The following CARMIL2 variants were observed in gnomAD, a reference collection of about 807,000 sequenced individuals.
CARMIL2 encodes the protein capping protein, Arp2/3 and myosin-I linker protein 2.
CARMIL2 carries 96 observed loss-of-function variants against 173.3 expected under a neutral mutation model. The ratio of observed to expected loss-of-function variants is 0.55; its 90% CI spans 0.47 to 0.66. The LOEUF (loss-of-function observed/expected upper bound fraction) is 0.66, where lower values mean the gene tolerates loss of function less well. CARMIL2 is among the 30% of genes least tolerant of loss of function. The probability of loss-of-function intolerance (pLI) is 0.00; values close to 1 mark genes in which losing one functional copy is unlikely to be tolerated. For missense variants in CARMIL2, 1,771 were observed against 1,906.7 expected, an observed-to-expected ratio of 0.93 and a Z score of 1.33; for synonymous variants, 830 against 817.1, an observed-to-expected ratio of 1.02 and a Z score of -0.27.
chr16:67,648,774 A>C lies in CARMIL2; in HGVS notation c.1509+20A>C, dbSNP rs2052653300. On this transcript the variant is annotated intron_variant, in intron 16 of 37. Coordinates refer to ENST00000334583, the MANE Select transcript of CARMIL2 (RefSeq NM_001013838.3). The surrounding 1 kb of genome is among the most constrained non-coding windows in gnomAD (Gnocchi z 6.1). ...TGCGAGGTGAGCGCCGGCCCCCAGAAGAGACCACACATTGGGAGAGGCGCT... is the reference window on the plus strand; with the variant it reads ...TGCGAGGTGAGCGCCGGCCCCCAGACGAGACCACACATTGGGAGAGGCGCT... The C allele has an allele frequency of 6.3e-7, 1 of 1,592,428 alleles. No individual in the cohort carries two copies. The highest frequency in any genetic ancestry group is 1.1e-5 in the South Asian group (1 of 87,858).
chr16:67,651,929 G>A lies in CARMIL2; in HGVS notation c.2597G>A (p.Arg866Gln), dbSNP rs140263068. The change falls in exon 26 of 38, where the codon CGG becomes CAG. Residue 866 changes from arginine (R) to glutamine (Q), a missense_variant. Around this residue, in one of 3 missense-constraint regions of CARMIL2, gnomAD observed 817 missense variants for 903.5 expected, o/e 0.90. Coordinates refer to ENST00000334583, the MANE Select transcript of CARMIL2 (RefSeq NM_001013838.3). The surrounding 1 kb of genome is among the most constrained non-coding windows in gnomAD (Gnocchi z 4.2). ...QDAFTRLRDM[R>Q]LSITGTLAES... is the part of the protein sequence containing the mutation. ...TCCTCTCCTGCCCTTAGGGACATGC[G>A]GCTATCAATCACGGGGACCTTGGCA... 11,078 of 1,613,506 alleles carry A rather than the reference G, an allele frequency of 6.9e-3. 50 individuals carry two copies. Among genetic ancestry groups the A allele is most frequent in the Non-Finnish European group, 8.1e-3 (9,544 of 1,179,830 alleles).
In CARMIL2 at chr16:67,652,579, C is replaced by A; in HGVS notation, c.2884+41C>A. On this transcript the variant is annotated intron_variant, in intron 28 of 37. Transcript: ENST00000334583. This position sits in a 1 kb window ranked among gnomAD's most constrained non-coding sequence, Gnocchi z 4.7. ...GGGGGAGGGAGTTTACGTGGGTGGG[C>A]TGAAGCTCCATTAGACTTGGGGACC... 1 of 1,586,912 alleles carries A rather than the reference C, an allele frequency of 6.3e-7. No homozygotes were observed. The highest frequency in any genetic ancestry group is 8.6e-7 in the Non-Finnish European group (1 of 1,157,696).
chr16:67,646,374 C>T lies in CARMIL2; in HGVS notation c.375-52C>T. The T allele has an allele frequency of 6.2e-7, 1 of 1,607,220 alleles. No individual in the cohort carries two copies. Among genetic ancestry groups the T allele is most frequent in the Admixed American group, 1.7e-5 (1 of 59,616 alleles). ...GGGAGTGCATGAGAAGGGCTGCTTCCCATCCCAGAGGCTGGAAGTCCTTTG... is the reference window on the plus strand; with the variant it reads ...GGGAGTGCATGAGAAGGGCTGCTTCTCATCCCAGAGGCTGGAAGTCCTTTG... On this transcript the variant is annotated intron_variant, in intron 5 of 37. Coordinates refer to ENST00000334583, the MANE Select transcript of CARMIL2 (RefSeq NM_001013838.3). This position sits in a 1 kb window ranked among gnomAD's most constrained non-coding sequence, Gnocchi z 4.6.
intron 22 of CARMIL2, 100 bp downstream of exon 22, chr16:67,650,250 G>C: frequency 1.0e-6 from 1 of 1,003,924 alleles, no homozygotes; most frequent in Non-Finnish European, 1.5e-6. Flanking sequence ...CTGGGGCCAG[G>C]GTGCCTGAGC....
intron 22 of CARMIL2, chr16:67,650,525 T>G: frequency 3.6e-6 from 1 of 278,104 alleles, no homozygotes; most frequent in Non-Finnish European, 6.9e-6. Flanking sequence ...TCCACTACCT[T>G]ATCTGTTGGA....
chr16:67,654,934 G>A lies in CARMIL2; in HGVS notation c.3705+34G>A, dbSNP rs749178076. The A allele has an allele frequency of 5.0e-6, 8 of 1,610,278 alleles. No individual in the cohort carries two copies. The Admixed American group carries it at 6.7e-5, about 13-fold the overall frequency. On this transcript the variant is annotated intron_variant, in intron 32 of 37. Coordinates refer to ENST00000334583, the MANE Select transcript of CARMIL2 (RefSeq NM_001013838.3). ...AGGGGACCTGAGCATGAAGTGAGAG[G>A]GCAGATGGCATGCTGTGGGTGACAT...
rs750818480 is a variant in CARMIL2, at chr16:67,648,232, C to G, written c.1252C>G (p.Pro418Ala). The G allele has an allele frequency of 1.3e-5, 21 of 1,604,236 alleles. No individual in the cohort carries two copies. The highest frequency in any genetic ancestry group is 5.3e-5 in the African/African-American group (4 of 74,794). The change falls in exon 14 of 38, where the codon CCG becomes GCG. Residue 418 changes from proline (P) to alanine (A), a missense_variant. By Grantham distance (27) the Pro-to-Ala change is conservative. Coordinates refer to ENST00000334583, the MANE Select transcript of CARMIL2 (RefSeq NM_001013838.3). The surrounding 1 kb of genome is among the most constrained non-coding windows in gnomAD (Gnocchi z 6.1). ...CGCGGGTGTAGCCAACAGCCTCCCC[C>G]CGCAGCTCTTCGCAGCGGTATCCCG... ...PPAGVANSLP[P>A]QLFAAVSRGC...
chr16:67,646,153 T>C lies in CARMIL2; in HGVS notation c.250-33T>C. ...TACCACCATCACCTGCGCCCATGTG[T>C]GGAGCCGAGGCCTAGTAGTGCCCCT... On this transcript the variant is annotated intron_variant, in intron 4 of 37. Coordinates refer to ENST00000334583, the MANE Select transcript of CARMIL2 (RefSeq NM_001013838.3). This position sits in a 1 kb window ranked among gnomAD's most constrained non-coding sequence, Gnocchi z 4.6. The C allele has an allele frequency of 6.2e-7, 1 of 1,613,758 alleles. No individual in the cohort carries two copies. Among genetic ancestry groups the C allele is most frequent in the Non-Finnish European group, 8.5e-7 (1 of 1,179,822 alleles).
At position 67,647,324 on chromosome 16, in the gene CARMIL2, T is replaced by A. The variant is rs1035469552; in HGVS notation, c.713T>A (p.Leu238Gln). 3 of 1,595,504 alleles carry A rather than the reference T, an allele frequency of 1.9e-6. No individual in the cohort carries two copies. Among genetic ancestry groups the A allele is most frequent in the Non-Finnish European group, 2.6e-6 (3 of 1,171,014 alleles). ...KLSLEVSEQI[L>Q]HMMSQSSHLE... ...AGCCTTGAGGTCTCAGAACAGATTC[T>A]GCACATGATGAGTCAGTCATCACAC... The change falls in exon 10 of 38, where the codon CTG becomes CAG. Residue 238 changes from leucine (L) to glutamine (Q), a missense_variant. Leu to Gln is a moderately radical substitution (Grantham distance 113, BLOSUM62 -2). Transcript: ENST00000334583.
rs767383066 is a variant in CARMIL2, at chr16:67,649,169, G to A, written c.1685G>A (p.Cys562Tyr). The change falls in exon 18 of 38, where the codon TGC (cysteine) becomes TAC (tyrosine). Residue 562 changes from cysteine to tyrosine, a missense_variant. Cys to Tyr is a radical substitution (Grantham distance 194). Transcript: ENST00000334583. This position sits in a 1 kb window ranked among gnomAD's most constrained non-coding sequence, Gnocchi z 6.7. ...CTTGGAAGGAACTTCAACGTCCGGTGCAAGTGAGCCCCCACCCTACTCCTG... is the reference window on the plus strand; with the variant it reads ...CTTGGAAGGAACTTCAACGTCCGGTACAAGTGAGCCCCCACCCTACTCCTG... ...VALGRNFNVR[C>Y]KETLDDVLHR... is the part of the protein sequence containing the mutation. 2.5e-6 allele frequency: 4 copies of A among 1,613,304 alleles called. No individual in the cohort carries two copies. The highest frequency in any genetic ancestry group is 2.2e-5 in the South Asian group (2 of 90,996).
At chr16:67,656,090 G>A (rs777243203) in intron 33 of CARMIL2, 23 bp downstream of exon 33, 2 of 1,608,378 alleles carry the variant, frequency 1.2e-6, no homozygotes, top group South Asian at 1.1e-5. Flanking sequence ...CTGGGGTGTG[G>A]CAGTACATTT....
chr16:67,645,182 T>G lies in CARMIL2; in HGVS notation c.-65T>G. 7.4e-7 allele frequency: 1 copy of G among 1,346,740 alleles called. No individual in the cohort carries two copies. The highest frequency in any genetic ancestry group is 1.0e-6 in the Non-Finnish European group (1 of 972,468). The allele number at this position is 1,346,740 out of a possible 1,614,324, so 83.4% of individuals were successfully genotyped here. ...GCGGGTCTGGGCCCCAGGCTTCCTG[T>G]GTGCGCGCTCGTCCTCTGCTGTTTC... On this transcript the variant is annotated 5_prime_UTR_variant, in exon 1 of 38. Coordinates refer to ENST00000334583, the MANE Select transcript of CARMIL2 (RefSeq NM_001013838.3).
In CARMIL2 at chr16:67,651,145, T is replaced by C; in HGVS notation, c.2185-42T>C. 1.9e-6 allele frequency: 3 copies of C among 1,592,632 alleles called. No individual in the cohort carries two copies. The highest frequency in any genetic ancestry group is 2.6e-6 in the Non-Finnish European group (3 of 1,167,502). On this transcript the variant is annotated intron_variant, in intron 22 of 37. Transcript: ENST00000334583. This position sits in a 1 kb window ranked among gnomAD's most constrained non-coding sequence, Gnocchi z 4.2. ...GGAAGGCAGGCAGGATCTGGGAGAC[T>C]GGGAGGGGGCTAGGCTGAGACTGAT...
chr16:67,649,067 C>T lies in CARMIL2; in HGVS notation c.1592-9C>T. On this transcript the variant is annotated splice_polypyrimidine_tract_variant and intron_variant, in intron 17 of 37. Transcript: ENST00000334583. This position sits in a 1 kb window ranked among gnomAD's most constrained non-coding sequence, Gnocchi z 6.7. ...ACTTCGCCTCGTGCGTGACCCGAGTCACCCCCAGGCTTCGGCTCAGACATG... is the reference window on the plus strand; with the variant it reads ...ACTTCGCCTCGTGCGTGACCCGAGTTACCCCCAGGCTTCGGCTCAGACATG... The T allele has an allele frequency of 6.2e-7, 1 of 1,611,354 alleles. No homozygotes were observed.
chr16:67,654,060 A>T, intron 29 of CARMIL2, 89 bp from the exon 30 acceptor site: 2 of 802,318 alleles, frequency 2.5e-6, no homozygotes, highest in Non-Finnish European at 3.8e-6. Flanking sequence ...TCCTGGAGTT[A>T]TTCAGTCCAG....
rs777251340 is a variant in CARMIL2, at chr16:67,649,972, G to C, written c.2082+4G>C. On this transcript the variant is annotated splice_donor_region_variant and intron_variant, in intron 21 of 37. Coordinates refer to ENST00000334583, the MANE Select transcript of CARMIL2 (RefSeq NM_001013838.3). The surrounding 1 kb of genome is among the most constrained non-coding windows in gnomAD (Gnocchi z 6.7). Reference sequence around the variant, plus strand: ...GACAGCACGTGCAGTCCATCAGGTGGGCGTCCCCCTCTTCCCTTGCCCTTC... The same window carrying C: ...GACAGCACGTGCAGTCCATCAGGTGCGCGTCCCCCTCTTCCCTTGCCCTTC... The C allele has an allele frequency of 3.1e-6, 5 of 1,613,368 alleles. No homozygotes were observed. Among genetic ancestry groups the C allele is most frequent in the Non-Finnish European group, 4.2e-6 (5 of 1,179,724 alleles).
Position 67,649,062 on chromosome 16 carries a change from C to G in CARMIL2, c.1592-14C>G, listed in dbSNP as rs1567630082. On this transcript the variant is annotated splice_polypyrimidine_tract_variant and intron_variant, in intron 17 of 37. Transcript: ENST00000334583. The surrounding 1 kb of genome is among the most constrained non-coding windows in gnomAD (Gnocchi z 6.7). ...TTGCAACTTCGCCTCGTGCGTGACCCGAGTCACCCCCAGGCTTCGGCTCAG... is the reference window on the plus strand; with the variant it reads ...TTGCAACTTCGCCTCGTGCGTGACCGGAGTCACCCCCAGGCTTCGGCTCAG... 2.5e-6 allele frequency: 4 copies of G among 1,610,362 alleles called. No individual in the cohort carries two copies. Among genetic ancestry groups the G allele is most frequent in the Non-Finnish European group, 3.4e-6 (4 of 1,178,458 alleles).
chr16:67,646,186 G>A lies in CARMIL2; in HGVS notation c.250G>A (p.Val84Ile), dbSNP rs2142909468. The change falls in exon 5 of 38, where the codon GTC (valine) becomes ATC (isoleucine). Residue 84 changes from valine to isoleucine, a missense_variant and splice_region_variant. Coordinates refer to ENST00000334583, the MANE Select transcript of CARMIL2 (RefSeq NM_001013838.3). The surrounding 1 kb of genome is among the most constrained non-coding windows in gnomAD (Gnocchi z 4.6). Reference sequence around the variant, plus strand: ...AGGCCTAGTAGTGCCCCTTCCCTAGGTCACCTTTGAGCTGGAGTCCCTGCG... The same window carrying A: ...AGGCCTAGTAGTGCCCCTTCCCTAGATCACCTTTGAGCTGGAGTCCCTGCG... Reference protein sequence around the residue: ...AMALQETPPQVTFELESLREL... With the variant: ...AMALQETPPQITFELESLREL... 8 of 1,613,752 alleles carry A rather than the reference G, an allele frequency of 5.0e-6. No homozygotes were observed. The highest frequency in any genetic ancestry group is 6.8e-6 in the Non-Finnish European group (8 of 1,179,850).
At position 67,648,847 on chromosome 16, in the gene CARMIL2, C is replaced by T; in HGVS notation, c.1510-46C>T. 1 of 1,575,422 alleles carries T rather than the reference C, an allele frequency of 6.3e-7. No individual in the cohort carries two copies. Among genetic ancestry groups the T allele is most frequent in the African/African-American group, 1.4e-5 (1 of 73,978 alleles). On this transcript the variant is annotated intron_variant, in intron 16 of 37. Coordinates refer to ENST00000334583, the MANE Select transcript of CARMIL2 (RefSeq NM_001013838.3). The surrounding 1 kb of genome is among the most constrained non-coding windows in gnomAD (Gnocchi z 6.1). ...TGGGCCGCCTGCCCCTCCCCACTCG[C>T]GGCCTAAGTGGGTCCCACTTCCCAC... is the stretch of plus-strand genomic sequence containing the variant.
Sources: gnomAD v4.1 joint callset for allele counts on GRCh38, gnomAD v4.1.1 for gene constraint, gnomAD v4.1.1 regional missense constraint, Gnocchi (gnomAD v3.1) non-coding constraint, MANE v1.5 for transcripts, NCBI Gene and HGNC (gene_info 2026-07-23, HGNC 2026-07-21) for gene names.